Variants in CDH8 observed in about 807,000 individuals in gnomAD.
The protein encoded by CDH8 is cadherin-8.
A neutral mutation model predicts 68.1 loss-of-function variants in CDH8; 17 were observed. The ratio of observed to expected loss-of-function variants is 0.25; its 90% CI spans 0.17 to 0.37. The LOEUF is 0.37. Ranked by LOEUF, CDH8 falls within the 10% of genes least tolerant of loss-of-function variation. CDH8 has a pLI of 1.00. For synonymous variants in CDH8, 372 were observed against 365.1 expected (o/e 1.02, Z -0.21); for missense variants, 763 against 999.3 (o/e 0.76, Z 3.19).
At chr16:61,960,153 G>GTGTGTGTGTATACATACATATATACATA (rs1965094354) in intron 2 of CDH8, among the ~76,000 whole-genome samples, 1 of 39,890 alleles carries the variant, frequency 2.5e-5, no homozygotes, top group East Asian at 9.3e-4. Context: ...ATATACATAT[G>GTGTGTGTGTATACATACATATATACATA]TGTGTGTGTA....
rs572981600 is a variant in CDH8 at position 61,808,004 on chromosome 16, C to T, written c.1277+9475G>A. On this transcript the variant is annotated intron_variant, in intron 7 of 11. Transcript: ENST00000577390. ...TGTGTAATTCAGGGAGTTAATGCTA[C>T]AAAGTGTAAATGTAAATGAAATATA... Among the ~76,000 whole-genome samples, 6 of 152,258 alleles carry T rather than the reference C, an allele frequency of 3.9e-5. No individual in the cohort carries two copies. In the East Asian group the frequency reaches 1.2e-3, roughly 29 times the overall value.
At chr16:61,878,832 C>T (rs1229450190) in intron 3 of CDH8, among the ~76,000 whole-genome samples, 2 of 152,214 alleles carry the variant, frequency 1.3e-5, no homozygotes, top group Non-Finnish European at 2.9e-5. Flanking sequence ...TTTACACAGT[C>T]GAATTTGCAT....
intron 2 of CDH8, among the ~76,000 whole-genome samples, chr16:61,903,295 T>TA (rs764004633): frequency 6.6e-6 from 1 of 152,220 alleles, no homozygotes; most frequent in African/African-American, 2.4e-5. Context: ...TAACTAATGA[T>TA]AAAAAAGAAG....
chr16:61,766,307 T>C (rs1479633749), intron 8 of CDH8, among the ~76,000 whole-genome samples: 2 of 152,028 alleles, frequency 1.3e-5, no homozygotes, highest in African/African-American at 4.8e-5. Flanking sequence ...TCCAAATTGC[T>C]GCAAAAGATA....
intron 2 of CDH8, among the ~76,000 whole-genome samples, chr16:61,967,482 A>AT (rs1965271643): frequency 6.6e-6 from 1 of 152,148 alleles, no homozygotes; most frequent in Non-Finnish European, 1.5e-5. Context: ...AGGATTTGGG[A>AT]TTTCTTTATA....
chr16:62,019,652 C>T (rs1902024559), intron 2 of CDH8, among the ~76,000 whole-genome samples: 1 of 152,098 alleles, frequency 6.6e-6, no homozygotes, highest in Non-Finnish European at 1.5e-5. Context: ...ACTATAATAG[C>T]CTCAAGTCGG....
rs924484932 is a variant in CDH8, at chr16:61,647,558, T to G, written c.*6050A>C. 7 of 480,896 alleles carry G rather than the reference T, an allele frequency of 1.5e-5. No homozygotes were observed. Among genetic ancestry groups the G allele is most frequent in the Middle Eastern group, 5.4e-4 (1 of 1,846 alleles). 29.8% of individuals were successfully genotyped at this position (480,896 alleles called of 1,614,324 possible). Reference sequence around the variant, plus strand: ...TCTTCCTCTTATTTGTGAGGGATCATAGGATGGCCTGAAGTTCTTTGCATG... The same window carrying G: ...TCTTCCTCTTATTTGTGAGGGATCAGAGGATGGCCTGAAGTTCTTTGCATG... On this transcript the variant is annotated 3_prime_UTR_variant, in exon 12 of 12. Transcript: ENST00000577390.
intron 2 of CDH8, among the ~76,000 whole-genome samples, chr16:62,007,585 C>T (rs562152658): frequency 1.6e-5 from 2 of 127,708 alleles, no homozygotes; most frequent in South Asian, 5.9e-4. Flanking sequence ...AAATGCACAA[C>T]TTTCCAAAGC....
At chr16:61,907,393 T>A (rs1046139031) in intron 2 of CDH8, among the ~76,000 whole-genome samples, 1 of 152,082 alleles carries the variant, frequency 6.6e-6, no homozygotes, top group Non-Finnish European at 1.5e-5. Context: ...TCCAAGTACC[T>A]AAGGGCCAGA....
intron 10 of CDH8, among the ~76,000 whole-genome samples, chr16:61,683,625 T>C (rs774779241): frequency 4.6e-5 from 7 of 152,038 alleles, no homozygotes; most frequent in Non-Finnish European, 8.8e-5. Flanking sequence ...TATCATTAAG[T>C]CTTTTTCTGG....
chr16:61,848,615 G>T (rs536026066), intron 4 of CDH8, among the ~76,000 whole-genome samples: 1 of 152,156 alleles, frequency 6.6e-6, no homozygotes, highest in South Asian at 2.1e-4. Context: ...TGATTGTTAA[G>T]TCATTGTGTG....
chr16:61,977,442 T>A (rs561048195), intron 2 of CDH8, among the ~76,000 whole-genome samples: 1 of 152,278 alleles, frequency 6.6e-6, no homozygotes, highest in South Asian at 2.1e-4. Context: ...AAACGATTTC[T>A]CCCCATGATT....
At chr16:61,984,586 A>G (rs886695828) in intron 2 of CDH8, among the ~76,000 whole-genome samples, 1 of 151,902 alleles carries the variant, frequency 6.6e-6, no homozygotes, top group African/African-American at 2.4e-5. Flanking sequence ...CATCACACCT[A>G]TATTCTAATA....
In CDH8 at chr16:61,736,551, A is replaced by G. The variant is rs1187226741; in HGVS notation, c.1415-9336T>C. Among the ~76,000 whole-genome samples the G allele has an allele frequency of 3.3e-5, 5 of 152,336 alleles. 1 individual carries two copies. In the South Asian group the frequency reaches 6.2e-4, roughly 19 times the overall value. Reference sequence around the variant, plus strand: ...GTATTTCTTGAAACTGCTAAAACACAGAAAAAACAATAAAACAAATAAAAC... The same window carrying G: ...GTATTTCTTGAAACTGCTAAAACACGGAAAAAACAATAAAACAAATAAAAC... On this transcript the variant is annotated intron_variant, in intron 8 of 11. Coordinates refer to ENST00000577390, the MANE Select transcript of CDH8 (RefSeq NM_001796.5).
chr16:61,781,540 G>C (rs777880835), intron 8 of CDH8, among the ~76,000 whole-genome samples: 1 of 152,184 alleles, frequency 6.6e-6, no homozygotes, highest in South Asian at 2.1e-4. Flanking sequence ...AGGATCACTT[G>C]AGCCCAGGGT....
chr16:61,943,376 GTAAAA>G (rs1483780301), intron 2 of CDH8, among the ~76,000 whole-genome samples: 2 of 152,218 alleles, frequency 1.3e-5, no homozygotes, highest in Admixed American at 6.5e-5. Flanking sequence ...CAAGGTGGTA[GTAAAA>G]TGAATTTTCA....
At chr16:61,901,034 T>G (rs2143262012) in intron 3 of CDH8, 145 bp downstream of exon 3, 1 of 715,130 alleles carries the variant, frequency 1.4e-6, no homozygotes, top group South Asian at 1.9e-5. Context: ...GCTGTGGAAC[T>G]TAGGCCAAAA....
At chr16:61,687,583 C>A (rs893896247) in intron 10 of CDH8, among the ~76,000 whole-genome samples, 1 of 151,946 alleles carries the variant, frequency 6.6e-6, no homozygotes, top group African/African-American at 2.4e-5. Flanking sequence ...ATACTAACAA[C>A]GCCTTCAGCC....
At chr16:62,007,725 A>G (rs1966001668) in intron 2 of CDH8, among the ~76,000 whole-genome samples, 2 of 152,104 alleles carry the variant, frequency 1.3e-5, no homozygotes, top group African/African-American at 4.8e-5. Context: ...CCCTGAATCC[A>G]TTCCATATGG....
Sources: allele counts gnomAD v4.1 joint callset (sites outside exome capture counted in the v4.1 genomes callset), GRCh38; gene constraint gnomAD v4.1.1; transcripts MANE v1.5; gene names NCBI Gene and HGNC (gene_info 2026-07-23, HGNC 2026-07-21).